The following RAB3C variants were observed in gnomAD, a reference collection of about 807,000 sequenced individuals.
RAB3C encodes the protein ras-related protein Rab-3C.
In RAB3C, 17 loss-of-function variants were observed where a neutral mutation model predicts 26.4. That is an observed-to-expected ratio of 0.64 (90% CI 0.44 to 0.97). The LOEUF (loss-of-function observed/expected upper bound fraction) is 0.97, where lower values mean the gene tolerates loss of function less well. Ranked by LOEUF, RAB3C falls within the 50% of genes least tolerant of loss-of-function variation. RAB3C has a pLI of 0.00. For synonymous variants in RAB3C, 91 were observed against 95.9 expected, an observed-to-expected ratio of 0.95 and a Z score of 0.30; for missense variants, 242 against 281.9, an observed-to-expected ratio of 0.86 and a Z score of 1.01.
At chr5:58,811,300 C>G (rs1440123819) in intron 3 of RAB3C, among the ~76,000 whole-genome samples, 2 of 152,038 alleles carry the variant, frequency 1.3e-5, no homozygotes, top group African/African-American at 4.8e-5. Flanking sequence ...CCTCTTTGCT[C>G]TGGCTCATTT....
In RAB3C at chr5:58,691,084, A is replaced by G. The variant is rs1748560951; in HGVS notation, c.253-34918A>G. On this transcript the variant is annotated intron_variant, in intron 2 of 4. Coordinates refer to ENST00000282878, the MANE Select transcript of RAB3C (RefSeq NM_138453.4). ...AAAAACACATACATTATGATAGTTCACACAATTTCCAGTAAAAAAAAAAAA... is the reference window on the plus strand; with the variant it reads ...AAAAACACATACATTATGATAGTTCGCACAATTTCCAGTAAAAAAAAAAAA... Among the ~76,000 whole-genome samples, 3 of 151,828 alleles carry G rather than the reference A, an allele frequency of 2.0e-5. 1 individual carries two copies. In the South Asian group the frequency reaches 6.2e-4, roughly 32 times the overall value.
intron 3 of RAB3C, among the ~76,000 whole-genome samples, chr5:58,730,203 CTT>C (rs1443087068): frequency 6.6e-6 from 1 of 151,116 alleles, no homozygotes; most frequent in Non-Finnish European, 1.5e-5. Flanking sequence ...GAAAGACTAT[CTT>C]ATTTATCTGT....
chr5:58,848,474 G>A (rs1744049532), intron 4 of RAB3C: 1 of 152,200 alleles, frequency 6.6e-6, no homozygotes, highest in African/African-American at 2.4e-5. Flanking sequence ...TCATGTTCCA[G>A]CTTTGCCATT....
At chr5:58,844,510 G>A (rs1579950076) in intron 4 of RAB3C, among the ~76,000 whole-genome samples, 3 of 152,122 alleles carry the variant, frequency 2.0e-5, no homozygotes, top group African/African-American at 2.4e-5. Flanking sequence ...CTGGGCTGGG[G>A]CCCAGTAGAG....
Position 58,845,612 on chromosome 5 carries a change from A to ATATATATATATATATATATGTGTGTGTG in RAB3C, c.497-5551_497-5550insATATATATATATATATATGTGTGTGTGT. 4.2e-3 allele frequency among the ~76,000 whole-genome samples: 344 copies of ATATATATATATATATATATGTGTGTGTG among 81,270 alleles called. 3 individuals carry two copies. Among genetic ancestry groups the ATATATATATATATATATATGTGTGTGTG allele is most frequent in the African/African-American group, 8.5e-3 (145 of 17,084 alleles). 53.3% of individuals were successfully genotyped at this position (81,270 alleles called of 152,430 possible). A position where few individuals can be genotyped will look rare whatever the true frequency, so the allele number is the denominator to read the frequency against. On this transcript the variant is annotated intron_variant, in intron 4 of 4. Coordinates refer to ENST00000282878, the MANE Select transcript of RAB3C (RefSeq NM_138453.4). ...ATTCTTACTATATATATATATATAT[A>ATATATATATATATATATATGTGTGTGTG]TGTGTGTGTGTGTGTGTGTATATGT... is the stretch of plus-strand genomic sequence containing the variant.
At chr5:58,666,157 T>G (rs1370975567) in intron 2 of RAB3C, among the ~76,000 whole-genome samples, 1 of 152,222 alleles carries the variant, frequency 6.6e-6, no homozygotes, top group Non-Finnish European at 1.5e-5. Context: ...AGTAGACAGC[T>G]ATAATTATTT....
At chr5:58,648,454 A>C (rs958610902) in intron 2 of RAB3C, among the ~76,000 whole-genome samples, 5 of 152,218 alleles carry the variant, frequency 3.3e-5, no homozygotes, top group African/African-American at 9.6e-5. Context: ...TGAGCTTCTC[A>C]ATATAAATGG....
chr5:58,691,352 T>C (rs1748567488), intron 2 of RAB3C, among the ~76,000 whole-genome samples: 1 of 152,166 alleles, frequency 6.6e-6, no homozygotes, highest in African/African-American at 2.4e-5. Context: ...CCGGAGAGTG[T>C]TGGAGACGTA....
chr5:58,783,711 G>T (rs1204895586), intron 3 of RAB3C, among the ~76,000 whole-genome samples: 1 of 152,168 alleles, frequency 6.6e-6, no homozygotes, highest in Non-Finnish European at 1.5e-5. Flanking sequence ...TTGGGCACAT[G>T]GCCAGTCGTG....
chr5:58,739,031 A>G (rs1741216706), intron 3 of RAB3C, among the ~76,000 whole-genome samples: 1 of 152,236 alleles, frequency 6.6e-6, no homozygotes, highest in Non-Finnish European at 1.5e-5. Flanking sequence ...TTTGGTGGGC[A>G]TTATAATGAT....
chr5:58,843,372 A>G (rs766495080), intron 4 of RAB3C, among the ~76,000 whole-genome samples: 1 of 152,248 alleles, frequency 6.6e-6, no homozygotes, highest in African/African-American at 2.4e-5. Context: ...AGAAGTTATC[A>G]ATGTTTTTGT....
In RAB3C at chr5:58,855,512, C is replaced by A. The variant is rs1220581422; in HGVS notation, c.*4161C>A. 1 of 152,338 alleles carries A rather than the reference C, an allele frequency of 6.6e-6. No homozygotes were observed. Among genetic ancestry groups the A allele is most frequent in the Non-Finnish European group, 1.5e-5 (1 of 68,054 alleles). The allele number at this position is 152,338 out of a possible 1,614,324, so 9.4% of individuals were successfully genotyped here. ...TGTCCGGGTGCCACATGAGCAACTA[C>A]ACCCATGTGGCCTTTCTGTCACTCC... On this transcript the variant is annotated 3_prime_UTR_variant, in exon 5 of 5. Coordinates refer to ENST00000282878, the MANE Select transcript of RAB3C (RefSeq NM_138453.4).
chr5:58,620,829 G>A (rs572923927), intron 2 of RAB3C, among the ~76,000 whole-genome samples: 1 of 152,192 alleles, frequency 6.6e-6, no homozygotes, highest in South Asian at 2.1e-4. Flanking sequence ...CATCTGGGAT[G>A]GTGAAATGTT....
At chr5:58,608,195 G>C (rs1300816739) in intron 1 of RAB3C, among the ~76,000 whole-genome samples, 1 of 152,128 alleles carries the variant, frequency 6.6e-6, no homozygotes, top group East Asian at 1.9e-4. Context: ...CCCATCTTAT[G>C]TGCAGAGACA....
chr5:58,639,523 A>G (rs1405628248), intron 2 of RAB3C, among the ~76,000 whole-genome samples: 1 of 152,120 alleles, frequency 6.6e-6, no homozygotes, highest in Non-Finnish European at 1.5e-5. Context: ...TGGCAGAGAG[A>G]GGAGAGAGAG....
At position 58,797,122 on chromosome 5, in the gene RAB3C, A is replaced by T. The variant is rs1742673600; in HGVS notation, c.372-27916A>T. Among the ~76,000 whole-genome samples, 3 of 151,842 alleles carry T rather than the reference A, an allele frequency of 2.0e-5. No homozygotes were observed. In the South Asian group the frequency reaches 6.2e-4, roughly 32 times the overall value. On this transcript the variant is annotated intron_variant, in intron 3 of 4. Transcript: ENST00000282878. ...TGTTTATTTGCTAAGTCCAGTAATG[A>T]ATTCAAGCTAAATATTGTTTCTTCT...
intron 3 of RAB3C, among the ~76,000 whole-genome samples, chr5:58,795,091 T>G (rs1742614089): frequency 6.6e-6 from 1 of 152,196 alleles, no homozygotes; most frequent in Non-Finnish European, 1.5e-5. Context: ...CCCATGCTAT[T>G]CTCAGGATAG....
intron 4 of RAB3C, chr5:58,846,845 C>T (rs1424083441): frequency 6.6e-6 from 1 of 151,954 alleles, no homozygotes; most frequent in East Asian, 1.9e-4. Flanking sequence ...TGCTTCTGCT[C>T]CTCTTTCCTC....
intron 3 of RAB3C, among the ~76,000 whole-genome samples, chr5:58,754,090 G>A (rs1035448504): frequency 6.6e-6 from 1 of 152,040 alleles, no homozygotes; most frequent in Non-Finnish European, 1.5e-5. Flanking sequence ...GGAGAGAAGT[G>A]TACATACATT....
Sources: allele counts gnomAD v4.1 joint callset (sites outside exome capture counted in the v4.1 genomes callset), GRCh38; gene constraint gnomAD v4.1.1; transcripts MANE v1.5; gene names NCBI Gene and HGNC (gene_info 2026-07-23, HGNC 2026-07-21).